LHPP: variants seen among roughly 807,000 people sequenced by gnomAD.
LHPP encodes the protein phospholysine phosphohistidine inorganic pyrophosphate phosphatase.
A neutral mutation model predicts 30.3 loss-of-function variants in LHPP; 24 were observed. The ratio of observed to expected loss-of-function variants is 0.79; its 90% CI spans 0.57 to 1.11. The LOEUF is 1.11. LHPP is among the 50% of genes most tolerant of loss of function. The pLI is 0.00. For synonymous variants in LHPP, 150 were observed against 157.1 expected (o/e 0.95, Z 0.34); for missense variants, 356 against 367.2 (o/e 0.97, Z 0.25).
rs1360646529 is a variant in LHPP, at chr10:124,510,987, C to T, written c.625-6193C>T. 3.3e-5 allele frequency among the ~76,000 whole-genome samples: 5 copies of T among 152,216 alleles called. No homozygotes were observed. Among genetic ancestry groups the T allele is most frequent in the African/African-American group, 1.2e-4 (5 of 41,460 alleles). On this transcript the variant is annotated intron_variant, in intron 5 of 6. Transcript: ENST00000368842. This position sits in a 1 kb window ranked among gnomAD's most constrained non-coding sequence, Gnocchi z 4.0. ...ATGCAGCAGACACTGGTGCTGGTCCCATTCCCGGGAGCACGCGGTGCCACT... is the reference window on the plus strand; with the variant it reads ...ATGCAGCAGACACTGGTGCTGGTCCTATTCCCGGGAGCACGCGGTGCCACT...
At chr10:124,566,205 G>A (rs976905582) in intron 6 of LHPP, among the ~76,000 whole-genome samples, 3 of 152,244 alleles carry the variant, frequency 2.0e-5, no homozygotes, top group African/African-American at 2.4e-5. Flanking sequence ...GAGACCGGGC[G>A]TGTGGTTATG....
chr10:124,563,111 G>A (rs1273985899), intron 6 of LHPP, among the ~76,000 whole-genome samples: 1 of 152,104 alleles, frequency 6.6e-6, no homozygotes, highest in Non-Finnish European at 1.5e-5. Flanking sequence ...ACTCAGCCAT[G>A]GTACTCCTGG....
At chr10:124,580,372 T>C (rs934716997) in intron 6 of LHPP, among the ~76,000 whole-genome samples, 1 of 152,266 alleles carries the variant, frequency 6.6e-6, no homozygotes. Context: ...TTCTACATTC[T>C]CCTTCAGGAG....
chr10:124,578,965 G>C (rs552803194), intron 6 of LHPP, among the ~76,000 whole-genome samples: 153 of 10,516 alleles, frequency 0.015, no homozygotes, highest in African/African-American at 0.023. Flanking sequence ...AGCACGGACG[G>C]GGGGGTCCGC....
chr10:124,597,632 C>A (rs1020359928), intron 6 of LHPP, among the ~76,000 whole-genome samples: 2 of 152,084 alleles, frequency 1.3e-5, no homozygotes, highest in African/African-American at 2.4e-5. Flanking sequence ...GGCCACTGGG[C>A]TAGACATGGG....
intron 5 of LHPP, among the ~76,000 whole-genome samples, chr10:124,512,255 G>T (rs1954318940): frequency 6.6e-6 from 1 of 152,164 alleles, no homozygotes; most frequent in African/African-American, 2.4e-5. Context: ...GCAGGTCGGG[G>T]GCCTCTCTGA....
At chr10:124,599,482 C>T (rs1948994823) in intron 6 of LHPP, among the ~76,000 whole-genome samples, 1 of 152,216 alleles carries the variant, frequency 6.6e-6, no homozygotes, top group African/African-American at 2.4e-5. Context: ...GCCCAGGCCC[C>T]CTCTGCCAGT....
intron 3 of LHPP, among the ~76,000 whole-genome samples, chr10:124,494,232 C>T (rs182329195): frequency 1.3e-4 from 20 of 152,266 alleles, no homozygotes; most frequent in African/African-American, 3.6e-4. Context: ...AGTGGCGCCG[C>T]GTGGGTCCCC....
chr10:124,601,419 A>T (rs899525331), intron 6 of LHPP, among the ~76,000 whole-genome samples: 1 of 152,170 alleles, frequency 6.6e-6, no homozygotes, highest in African/African-American at 2.4e-5. Context: ...GAATTGGGTG[A>T]GGGCCTGAGA....
At chr10:124,492,177 C>T (rs1564785997) in intron 3 of LHPP, among the ~76,000 whole-genome samples, 1 of 152,154 alleles carries the variant, frequency 6.6e-6, no homozygotes, top group African/African-American at 2.4e-5. Context: ...TGATCGTGTG[C>T]CATTTGTTGT....
rs568530650 is a variant in LHPP, at chr10:124,468,137, G to A, written c.125+6150G>A. 2.4e-4 allele frequency among the ~76,000 whole-genome samples: 36 copies of A among 152,270 alleles called. No homozygotes were observed. In the South Asian group the frequency reaches 6.4e-3, roughly 27 times the overall value. On this transcript the variant is annotated intron_variant, in intron 1 of 6. Transcript: ENST00000368842. ...CTTATTTTGAGCAGATGACCCCCAC[G>A]TGATATAGAACTGTCCAACAAACGT...
At chr10:124,476,912 A>T (rs1441039028) in intron 1 of LHPP, among the ~76,000 whole-genome samples, 1 of 152,194 alleles carries the variant, frequency 6.6e-6, no homozygotes, top group Non-Finnish European at 1.5e-5. Context: ...CCCCGTTATT[A>T]AAAACATTTC....
chr10:124,506,918 G>A (rs1328533614), intron 5 of LHPP, among the ~76,000 whole-genome samples: 1 of 34,240 alleles, frequency 2.9e-5, no homozygotes, highest in African/African-American at 1.2e-4. Context: ...TCAGGTTGGG[G>A]GGTAGACAGG....
At chr10:124,507,869 T>TC (rs1554884307) in intron 5 of LHPP, among the ~76,000 whole-genome samples, 26 of 13,780 alleles carry the variant, frequency 1.9e-3, no homozygotes, top group African/African-American at 2.8e-3. Flanking sequence ...GGATTTCAGG[T>TC]GGGGGGGTAG....
chr10:124,527,072 C>G (rs542951526), intron 6 of LHPP, among the ~76,000 whole-genome samples: 72 of 152,316 alleles, frequency 4.7e-4, no homozygotes, highest in African/African-American at 1.7e-3. Context: ...CACAGAGCCC[C>G]TCTGAGACCT....
intron 6 of LHPP, among the ~76,000 whole-genome samples, chr10:124,539,451 C>T (rs922691242): frequency 1.8e-4 from 27 of 151,930 alleles, no homozygotes; most frequent in Non-Finnish European, 3.8e-4. Context: ...ATGGCGAAAC[C>T]CCATCTCTAC....
chr10:124,557,339 G>A (rs551095343), intron 6 of LHPP, among the ~76,000 whole-genome samples: 39 of 152,346 alleles, frequency 2.6e-4, no homozygotes, highest in African/African-American at 9.4e-4. Context: ...GGCCTCGCCA[G>A]GGCCTGGCAC....
chr10:124,612,757 C>T (rs2134025224), intron 6 of LHPP: 1 of 156,250 alleles, frequency 6.4e-6, no homozygotes, highest in South Asian at 2.0e-4. Context: ...GGGCACCAAC[C>T]AGAAGACACA....
intron 6 of LHPP, among the ~76,000 whole-genome samples, chr10:124,600,066 G>A (rs1949001811): frequency 6.6e-6 from 1 of 152,218 alleles, no homozygotes; most frequent in South Asian, 2.1e-4. Flanking sequence ...AGTGAGGCAG[G>A]GGCAGTTGGG....
Sources: allele counts gnomAD v4.1 joint callset (sites outside exome capture counted in the v4.1 genomes callset), GRCh38; gene constraint gnomAD v4.1.1; non-coding constraint Gnocchi (gnomAD v3.1); transcripts MANE v1.5; gene names NCBI Gene and HGNC (gene_info 2026-07-23, HGNC 2026-07-21).